The following MEI1 variants were observed in gnomAD, a reference collection of about 807,000 sequenced individuals.
The protein encoded by MEI1 is meiosis inhibitor protein 1.
In MEI1, 103 loss-of-function variants were observed where a neutral mutation model predicts 146.2. The observed-to-expected ratio is 0.70, with a 90% CI of 0.60 to 0.83. MEI1 has a LOEUF of 0.83. Ranked by LOEUF, MEI1 falls within the 40% of genes least tolerant of loss-of-function variation. The probability of loss-of-function intolerance (pLI) is 0.00; values close to 1 mark genes in which losing one functional copy is unlikely to be tolerated. For synonymous variants in MEI1, 652 were observed against 628.2 expected (o/e 1.04, Z -0.57); for missense variants, 1,529 against 1,533.0 (o/e 1.00, Z 0.04).
intron 15 of MEI1, among the ~76,000 whole-genome samples, chr22:41,751,008 G>C (rs139361023): frequency 1.7e-4 from 26 of 152,010 alleles, no homozygotes; most frequent in Admixed American, 3.9e-4. Context: ...GTAGAAAAAG[G>C]CTGTGAGATC....
chr22:41,783,992 G>C (rs1440481111), intron 24 of MEI1, among the ~76,000 whole-genome samples: 2 of 152,190 alleles, frequency 1.3e-5, no homozygotes, highest in Non-Finnish European at 1.5e-5. Flanking sequence ...TTGAGAGCCA[G>C]GATTTTGATT....
intron 3 of MEI1, among the ~76,000 whole-genome samples, chr22:41,708,271 T>C (rs1601643442): frequency 6.6e-6 from 1 of 152,212 alleles, no homozygotes; most frequent in African/African-American, 2.4e-5. Context: ...GTCAAAACGA[T>C]ATAGTTAATA....
chr22:41,744,165 C>G (rs914005228), intron 12 of MEI1, among the ~76,000 whole-genome samples: 1 of 151,642 alleles, frequency 6.6e-6, no homozygotes, highest in African/African-American at 2.4e-5. Context: ...GCGCTGGGCC[C>G]CTGCTACCAT....
At chr22:41,780,351 G>A (rs2075688864) in intron 22 of MEI1, among the ~76,000 whole-genome samples, 1 of 152,168 alleles carries the variant, frequency 6.6e-6, no homozygotes, top group Admixed American at 6.5e-5. Context: ...AGGGTGTGAT[G>A]TGGCTGCCAA....
At chr22:41,790,315 C>T (rs1021458461) in intron 26 of MEI1, among the ~76,000 whole-genome samples, 3 of 152,114 alleles carry the variant, frequency 2.0e-5, no homozygotes, top group Non-Finnish European at 2.9e-5. Flanking sequence ...AAACTCCTGG[C>T]CTCAAGTGAT....
intron 7 of MEI1, among the ~76,000 whole-genome samples, chr22:41,724,560 G>A (rs2071146394): frequency 6.7e-6 from 1 of 149,968 alleles, no homozygotes; most frequent in African/African-American, 2.5e-5. Flanking sequence ...GGAGGTTGCA[G>A]TGAGCCAAGA....
chr22:41,798,525 C>T (rs986779068), intron 30 of MEI1, among the ~76,000 whole-genome samples: 24 of 151,644 alleles, frequency 1.6e-4, no homozygotes, highest in African/African-American at 5.8e-4. Flanking sequence ...CTGCAGTGAG[C>T]CAAGATCGCG....
At chr22:41,755,176 A>T (rs1045834208) in intron 17 of MEI1, among the ~76,000 whole-genome samples, 2 of 152,162 alleles carry the variant, frequency 1.3e-5, no homozygotes, top group Non-Finnish European at 2.9e-5. Flanking sequence ...GGGTTCCTCT[A>T]TCTTAGACCT....
intron 19 of MEI1, among the ~76,000 whole-genome samples, chr22:41,768,368 G>A (rs2074982884): frequency 6.9e-6 from 1 of 143,894 alleles, no homozygotes; most frequent in African/African-American, 2.6e-5. Flanking sequence ...CAGTCTGGGT[G>A]ACATAGTGAG....
In MEI1 at chr22:41,748,203, T is replaced by G; in HGVS notation, c.1777T>G (p.Phe593Val). The change falls in exon 15 of 31, where the codon TTT becomes GTT. Residue 593 changes from phenylalanine (F) to valine (V), a missense_variant. Physicochemically the swap from Phe to Val is conservative, Grantham distance 50. Around this residue, in one of 3 missense-constraint regions of MEI1, gnomAD observed 1,212 missense variants for 1,178.9 expected, o/e 1.03. Coordinates refer to ENST00000401548, the MANE Select transcript of MEI1 (RefSeq NM_152513.4). ...CATCGTTCCCCACATGAAGGAGAAGTTTTCCAAGAAGCTTGGTAGGCAGCA... is the reference window on the plus strand; with the variant it reads ...CATCGTTCCCCACATGAAGGAGAAGGTTTCCAAGAAGCTTGGTAGGCAGCA... The part of the protein sequence containing the change: ...FVIVPHMKEK[F>V]SKKLASSSFI... The G allele has an allele frequency of 6.2e-7, 1 of 1,613,174 alleles. No homozygotes were observed.
At chr22:41,700,078 G>A (rs1437744794) in intron 1 of MEI1, among the ~76,000 whole-genome samples, 1 of 152,200 alleles carries the variant, frequency 6.6e-6, no homozygotes, top group Non-Finnish European at 1.5e-5. Flanking sequence ...CCTTAGCTCA[G>A]GCTCCCGCCA....
At chr22:41,756,869 A>G (rs1046794558) in intron 17 of MEI1, among the ~76,000 whole-genome samples, 6 of 152,226 alleles carry the variant, frequency 3.9e-5, no homozygotes, top group African/African-American at 9.7e-5. Flanking sequence ...TGAAGTCCCA[A>G]TTCCTTAAGT....
At chr22:41,761,908 AGC>A (rs2147960755) in intron 18 of MEI1, among the ~76,000 whole-genome samples, 1 of 152,316 alleles carries the variant, frequency 6.6e-6, no homozygotes, top group African/African-American at 2.4e-5. Context: ...TCTTCCACTT[AGC>A]ATATCATTTT....
At chr22:41,760,659 T>C (rs2074423990) in intron 18 of MEI1, among the ~76,000 whole-genome samples, 1 of 152,310 alleles carries the variant, frequency 6.6e-6, no homozygotes, top group Admixed American at 6.5e-5. Flanking sequence ...ATCTGAGCTC[T>C]CCAAGTGCAC....
At position 41,724,037 on chromosome 22, in the gene MEI1, A is replaced by G. The variant is rs1356046393; in HGVS notation, c.828A>G (p.Ser276=). The G allele has an allele frequency of 1.9e-6, 3 of 1,613,968 alleles. No individual in the cohort carries two copies. Among genetic ancestry groups the G allele is most frequent in the Non-Finnish European group, 2.5e-6 (3 of 1,179,876 alleles). Residue 276 remains serine (S), a synonymous_variant, in exon 7 of 31, where the codon TCA becomes TCG. Coordinates refer to ENST00000401548, the MANE Select transcript of MEI1 (RefSeq NM_152513.4). ...LGESAKNIEG[S]SGNTSLPLVL... The stretch of plus-strand genomic sequence containing the variant: ...AAAGTGCTAAGAATATCGAAGGGTC[A>G]TCAGGAAATACCTCACTGCCTTTGG...
chr22:41,710,691 C>T (rs2069472396), intron 3 of MEI1, among the ~76,000 whole-genome samples: 1 of 152,146 alleles, frequency 6.6e-6, no homozygotes, highest in Non-Finnish European at 1.5e-5. Flanking sequence ...GTTCCTTAAT[C>T]CAAGTGATGT....
chr22:41,766,190 T>C (rs1346624358), intron 19 of MEI1, among the ~76,000 whole-genome samples: 1 of 148,518 alleles, frequency 6.7e-6, no homozygotes, highest in African/African-American at 2.5e-5. Flanking sequence ...TTTTTGTTTT[T>C]TGAGACAGAG....
chr22:41,731,909 C>T (rs1209122575), intron 9 of MEI1, among the ~76,000 whole-genome samples: 1 of 151,984 alleles, frequency 6.6e-6, no homozygotes, highest in East Asian at 1.9e-4. Context: ...TCAGGGAAGG[C>T]TTTTTGGAGG....
chr22:41,727,280 G>A (rs555212326), intron 7 of MEI1, among the ~76,000 whole-genome samples: 1 of 152,208 alleles, frequency 6.6e-6, no homozygotes, highest in South Asian at 2.1e-4. Context: ...TGTATATTCT[G>A]TTTGGCATTT....
Sources: gnomAD v4.1 joint callset for allele counts (sites outside exome capture counted in the v4.1 genomes callset) on GRCh38, gnomAD v4.1.1 for gene constraint, gnomAD v4.1.1 regional missense constraint, MANE v1.5 for transcripts, NCBI Gene and HGNC (gene_info 2026-07-23, HGNC 2026-07-21) for gene names.